Variants in NMNAT1 observed in about 807,000 individuals in gnomAD.
The protein encoded by NMNAT1 is nicotinamide/nicotinic acid mononucleotide adenylyltransferase 1.
In NMNAT1, 11 loss-of-function variants were observed where a neutral mutation model predicts 16.7. That is an observed-to-expected ratio of 0.66 (90% confidence interval 0.41 to 1.09). The LOEUF (loss-of-function observed/expected upper bound fraction) is 1.09. NMNAT1 is among the 50% of genes least tolerant of loss of function. The pLI, the probability that NMNAT1 is intolerant of heterozygous loss-of-function variation, is 0.00. For missense variants in NMNAT1, 280 were observed against 332.3 expected (o/e 0.84, Z 1.22); for synonymous variants, 110 against 119.8 (o/e 0.92, Z 0.53).
chr1:9,995,345 A>G, the NMNAT1 span, among the ~76,000 whole-genome samples: 1 of 150,794 alleles, frequency 6.6e-6, no homozygotes, highest in African/African-American at 2.4e-5. Context: ...GCTACAGTGA[A>G]CCATGATCAT....
At chr1:9,964,838 C>T (rs1018966670) in intron 1 of NMNAT1, among the ~76,000 whole-genome samples, 3 of 148,300 alleles carry the variant, frequency 2.0e-5, no homozygotes, top group Non-Finnish European at 4.4e-5. Flanking sequence ...GTCCCAGCTA[C>T]TCGGGAGGCT....
chr1:9,980,178 C>A (rs1010183005), intron 3 of NMNAT1, among the ~76,000 whole-genome samples: 1 of 151,856 alleles, frequency 6.6e-6, no homozygotes, highest in African/African-American at 2.4e-5. Context: ...GTGATCCACC[C>A]GCCTTGGCCT....
At chr1:9,976,318 C>T (rs770141635) in intron 3 of NMNAT1, among the ~76,000 whole-genome samples, 2 of 151,066 alleles carry the variant, frequency 1.3e-5, no homozygotes, top group African/African-American at 2.4e-5. Context: ...TGTTTGCTTG[C>T]TTGCTACTAT....
At chr1:9,968,723 A>G (rs1310652048) in intron 1 of NMNAT1, among the ~76,000 whole-genome samples, 1 of 144,752 alleles carries the variant, frequency 6.9e-6, no homozygotes, top group Admixed American at 7.3e-5. Context: ...GTGAGTCGAG[A>G]TCATGCCACT....
At chr1:9,988,057 G>T (rs1474706607), downstream of NMNAT1, among the ~76,000 whole-genome samples, 1 of 151,984 alleles carries the variant, frequency 6.6e-6, no homozygotes, top group Non-Finnish European at 1.5e-5. Context: ...GATTGCAGTG[G>T]CACGATCTCA....
chr1:9,950,391 T>G (rs1056823576), intron 1 of NMNAT1, among the ~76,000 whole-genome samples: 3 of 152,174 alleles, frequency 2.0e-5, no homozygotes, highest in African/African-American at 7.2e-5. Flanking sequence ...ACGCCTGGCA[T>G]AATGCAGTTT....
At chr1:9,992,572 G>T in the NMNAT1 span, among the ~76,000 whole-genome samples, 1 of 152,078 alleles carries the variant, frequency 6.6e-6, no homozygotes, top group African/African-American at 2.4e-5. Context: ...GAGGCCAGGG[G>T]CGTTTAGGGA....
the NMNAT1 span, among the ~76,000 whole-genome samples, chr1:9,992,704 G>A: frequency 2.6e-5 from 4 of 152,026 alleles, no homozygotes; most frequent in Non-Finnish European, 5.9e-5. Flanking sequence ...AAGGTCAGGA[G>A]ATCGAGACCT....
At chr1:9,955,030 A>C (rs974566701) in intron 1 of NMNAT1, among the ~76,000 whole-genome samples, 1 of 152,180 alleles carries the variant, frequency 6.6e-6, no homozygotes, top group Non-Finnish European at 1.5e-5. Flanking sequence ...CACGCCTGTA[A>C]TCCCAGCACT....
At chr1:9,949,887 T>G (rs1641068876) in intron 1 of NMNAT1, 1 of 152,172 alleles carries the variant, frequency 6.6e-6, no homozygotes, top group Non-Finnish European at 1.5e-5. Context: ...CAGCACTTAT[T>G]TCTATAGCAG....
At chr1:9,996,640 G>T in the NMNAT1 span, among the ~76,000 whole-genome samples, 2 of 152,088 alleles carry the variant, frequency 1.3e-5, no homozygotes, top group Non-Finnish European at 2.9e-5. Flanking sequence ...GGTTTGTGCT[G>T]CAGGGATACT....
chr1:9,996,345 ACT>A, the NMNAT1 span, among the ~76,000 whole-genome samples: 5 of 151,088 alleles, frequency 3.3e-5, no homozygotes, highest in Admixed American at 6.6e-5. Context: ...AAAGAGTGAG[ACT>A]CTGTCTCAAA....
At chr1:9,943,035 G>A (rs1640839137), upstream of NMNAT1, 3 of 306,978 alleles carry the variant, frequency 9.8e-6, 1 homozygote, top group South Asian at 8.3e-5. Context: ...GGTAAGGGCG[G>A]AGAGCACGCC....
intron 1 of NMNAT1, among the ~76,000 whole-genome samples, chr1:9,959,420 C>T (rs891445417): frequency 1.0e-4 from 15 of 145,980 alleles, no homozygotes; most frequent in East Asian, 4.0e-4. Flanking sequence ...CGGTGACTCA[C>T]GCCTATAATC....
chr1:9,972,345 C>T, intron 2 of NMNAT1, 157 bp downstream of exon 2: 1 of 547,660 alleles, frequency 1.8e-6, no homozygotes, highest in Non-Finnish European at 3.3e-6. Context: ...CCTGTCTCTA[C>T]TAAAAAATAC....
chr1:9,965,615 C>A (rs1641525116), intron 1 of NMNAT1, among the ~76,000 whole-genome samples: 1 of 151,896 alleles, frequency 6.6e-6, no homozygotes, highest in Non-Finnish European at 1.5e-5. Context: ...GTTGGTCAAG[C>A]TGGTCTTGAA....
chr1:9,980,136 G>A (rs578132270), intron 3 of NMNAT1, among the ~76,000 whole-genome samples: 1 of 151,692 alleles, frequency 6.6e-6, no homozygotes, highest in South Asian at 2.1e-4. Flanking sequence ...TCTCCATGTT[G>A]GTCAGGCTGT....
chr1:9,973,204 C>T lies in NMNAT1; in HGVS notation c.115+1016C>T, dbSNP rs374863031. Among the ~76,000 whole-genome samples, 21 of 152,150 alleles carry T rather than the reference C, an allele frequency of 1.4e-4. No individual in the cohort carries two copies. In the East Asian group the frequency reaches 3.1e-3, roughly 23 times the overall value. On this transcript the variant is annotated intron_variant, in intron 2 of 4. Transcript: ENST00000377205. ...CGATCTCGGCTCACTGCAACCTCCA[C>T]CTCCTGGGTTCAAGCAATTCTCCTG...
chr1:9,975,844 T>C, intron 3 of NMNAT1, 69 bp downstream of exon 3: 1 of 1,267,014 alleles, frequency 7.9e-7, no homozygotes, highest in South Asian at 1.4e-5. Context: ...TTTACCATGT[T>C]TCAATGTTGC....
Sources: gnomAD v4.1 joint callset for allele counts (sites outside exome capture counted in the v4.1 genomes callset) on GRCh38, gnomAD v4.1.1 for gene constraint, MANE v1.5 for transcripts, NCBI Gene and HGNC (gene_info 2026-07-23, HGNC 2026-07-21) for gene names.